Variants in OR4C46 observed in about 807,000 individuals in gnomAD.
The protein encoded by OR4C46 is olfactory receptor family 4 subfamily C member 46.
A neutral mutation model predicts 11.8 loss-of-function variants in OR4C46; 17 were observed. The observed-to-expected ratio is 1.44, with a 90% CI of 0.98 to 2.16. The LOEUF (loss-of-function observed/expected upper bound fraction) is 2.16. Ranked by LOEUF, OR4C46 falls within the 30% of genes most tolerant of loss-of-function variation. OR4C46 has a pLI of 0.00. For missense variants in OR4C46, 606 were observed against 372.1 expected (o/e 1.63, Z -5.17); for synonymous variants, 224 against 137.6 (o/e 1.63, Z -4.39).
chr11:54,603,885 C>T lies in OR4C46; in HGVS notation c.114G>A (p.Val38=), dbSNP rs1384237653. 6 of 1,613,506 alleles carry T rather than the reference C, an allele frequency of 3.7e-6. No individual in the cohort carries two copies. The Admixed American group carries it at 8.3e-5, about 22-fold the overall frequency. The change falls in exon 1 of 1, where the codon GTG becomes GTA. Residue 38 remains valine (V), a synonymous_variant. Coordinates refer to ENST00000328188, the MANE Select transcript of OR4C46 (RefSeq NM_001004703.1). The part of the protein sequence containing the change: ...VFFVIYIITV[V]GYVLIVVTIT... ...TGGTGACCACAATGAGCACATATCCCACCACAGTGATGATATAGATGACAA... is the reference window on the plus strand; with the variant it reads ...TGGTGACCACAATGAGCACATATCCTACCACAGTGATGATATAGATGACAA...
At position 54,603,846 on chromosome 11, in the gene OR4C46, T is replaced by C; in HGVS notation, c.153A>G (p.Pro51=). ...AAAGGTACATGGGGGACCCCAGTGATGGGCTGGCAGTGATGGTGACCACAA... is the reference window on the plus strand; with the variant it reads ...AAAGGTACATGGGGGACCCCAGTGACGGGCTGGCAGTGATGGTGACCACAA... ...VLIVVTITAS[P]SLGSPMYLSL... The change falls in exon 1 of 1, where the codon CCA becomes CCG. Residue 51 remains proline, a synonymous_variant. Coordinates refer to ENST00000328188, the MANE Select transcript of OR4C46 (RefSeq NM_001004703.1). 1.2e-6 allele frequency: 2 copies of C among 1,600,204 alleles called. No homozygotes were observed. The highest frequency in any genetic ancestry group is 1.7e-6 in the Non-Finnish European group (2 of 1,179,436).
rs372794415 is a variant in OR4C46 at position 54,603,292 on chromosome 11, G to C, written c.707C>G (p.Ser236Cys). 69 of 1,613,372 alleles carry C rather than the reference G, an allele frequency of 4.3e-5. No individual in the cohort carries two copies. Among genetic ancestry groups the C allele is most frequent in the Non-Finnish European group, 5.2e-5 (61 of 1,179,420 alleles). ...AACCGTGATGTGGGAGACACAGGTGGAGAGGGCTTTGTGCCTTGCCTCCAA... is the reference window on the plus strand; with the variant it reads ...AACCGTGATGTGGGAGACACAGGTGCAGAGGGCTTTGTGCCTTGCCTCCAA... ...HSLEARHKALSTCVSHITVVI... is the reference protein window; with the variant it reads ...HSLEARHKALCTCVSHITVVI... Residue 236 changes from serine to cysteine, a missense_variant, in exon 1 of 1, where the codon TCC (serine) becomes TGC (cysteine). Physicochemically the swap from Ser to Cys is moderately radical, Grantham distance 112. Transcript: ENST00000328188.
At position 54,603,671 on chromosome 11, in the gene OR4C46, C is replaced by T. The variant is rs1565363690; in HGVS notation, c.328G>A (p.Gly110Ser). 6.2e-7 allele frequency: 1 copy of T among 1,614,052 alleles called. No homozygotes were observed. ...TAGGCCATCACAGTAAGTAGGATGCCCTCTGCACCTCCGAAGAAATGTTCT... is the reference window on the plus strand; with the variant it reads ...TAGGCCATCACAGTAAGTAGGATGCTCTCTGCACCTCCGAAGAAATGTTCT... ...FGEHFFGGAE[G>S]ILLTVMAYDH... Residue 110 changes from glycine (G) to serine (S), a missense_variant, in exon 1 of 1, where the codon GGC becomes AGC. Gly to Ser is a moderately conservative substitution (Grantham distance 56). Coordinates refer to ENST00000328188, the MANE Select transcript of OR4C46 (RefSeq NM_001004703.1).
rs745949786 is a variant in OR4C46, at chr11:54,603,209, G to A, written c.790C>T (p.Pro264Ser). The stretch of plus-strand genomic sequence containing the variant: ...AATATAGCAACTGCTTTATCAATAG[G>A]TAAAGTAGCTGCAGGTCTCATGTAC... ...FVYMRPAATL[P>S]IDKAVAIFYT... is the part of the protein sequence containing the mutation. Residue 264 changes from proline (P) to serine (S), a missense_variant, in exon 1 of 1, where the codon CCT (proline) becomes TCT (serine). Pro to Ser is a moderately conservative substitution (Grantham distance 74, BLOSUM62 -1). Transcript: ENST00000328188. The A allele has an allele frequency of 2.5e-6, 4 of 1,605,062 alleles. No homozygotes were observed. Among genetic ancestry groups the A allele is most frequent in the East Asian group, 2.2e-5 (1 of 44,738 alleles).
Position 54,603,942 on chromosome 11 carries a change from T to C in OR4C46, c.57A>G (p.Pro19=), listed in dbSNP as rs141732038. 2,089 of 1,613,866 alleles carry C rather than the reference T, an allele frequency of 1.3e-3. 25 individuals carry two copies. In the African/African-American group the frequency reaches 0.025, roughly 19 times the overall value. The stretch of plus-strand genomic sequence containing the variant: ...CAACAAATATGATTTTCTGCATCTT[T>C]GGATTCTCTGTAAGCCCCAGCAAAA... The part of the protein sequence containing the change: ...EFVLLGLTEN[P]KMQKIIFVVF... Residue 19 remains proline, a synonymous_variant, in exon 1 of 1, where the codon CCA becomes CCG. Transcript: ENST00000328188.
chr11:54,603,946 T>C lies in OR4C46; in HGVS notation c.53A>G (p.Asn18Ser), dbSNP rs1863013303. Residue 18 changes from asparagine (N) to serine (S), a missense_variant, in exon 1 of 1, where the codon AAT (asparagine) becomes AGT (serine). Coordinates refer to ENST00000328188, the MANE Select transcript of OR4C46 (RefSeq NM_001004703.1). Reference sequence around the variant, plus strand: ...AAATATGATTTTCTGCATCTTTGGATTCTCTGTAAGCCCCAGCAAAACAAA... The same window carrying C: ...AAATATGATTTTCTGCATCTTTGGACTCTCTGTAAGCCCCAGCAAAACAAA... ...TEFVLLGLTENPKMQKIIFVV... is the reference protein window; with the variant it reads ...TEFVLLGLTESPKMQKIIFVV... The C allele has an allele frequency of 6.2e-7, 1 of 1,613,772 alleles. No individual in the cohort carries two copies. Among genetic ancestry groups the C allele is most frequent in the African/African-American group, 1.3e-5 (1 of 74,912 alleles).
At position 54,603,937 on chromosome 11, in the gene OR4C46, A is replaced by T. The variant is rs373356728; in HGVS notation, c.62T>A (p.Met21Lys). The change falls in exon 1 of 1, where the codon ATG (methionine) becomes AAG (lysine). Residue 21 changes from methionine to lysine, a missense_variant. Transcript: ENST00000328188. ...AAACACAACAAATATGATTTTCTGC[A>T]TCTTTGGATTCTCTGTAAGCCCCAG... ...VLLGLTENPK[M>K]QKIIFVVFFV... 1.9e-6 allele frequency: 3 copies of T among 1,613,908 alleles called. No homozygotes were observed. The highest frequency in any genetic ancestry group is 1.7e-4 in the Middle Eastern group (1 of 6,056).
Position 54,603,940 on chromosome 11 carries a change from T to G in OR4C46, c.59A>C (p.Lys20Thr). The G allele has an allele frequency of 1.2e-6, 2 of 1,613,852 alleles. No individual in the cohort carries two copies. Among genetic ancestry groups the G allele is most frequent in the Non-Finnish European group, 1.7e-6 (2 of 1,179,804 alleles). The change falls in exon 1 of 1, where the codon AAG becomes ACG. Residue 20 changes from lysine (K) to threonine (T), a missense_variant. Physicochemically the swap from Lys to Thr is moderately conservative, Grantham distance 78. Transcript: ENST00000328188. ...FVLLGLTENP[K>T]MQKIIFVVFF... ...CACAACAAATATGATTTTCTGCATC[T>G]TTGGATTCTCTGTAAGCCCCAGCAA...
At position 54,603,458 on chromosome 11, in the gene OR4C46, G is replaced by T. The variant is rs745680497; in HGVS notation, c.541C>A (p.Pro181Thr). 1.9e-6 allele frequency: 3 copies of T among 1,613,654 alleles called. No individual in the cohort carries two copies. The highest frequency in any genetic ancestry group is 1.1e-5 in the South Asian group (1 of 91,058). Residue 181 changes from proline (P) to threonine (T), a missense_variant, in exon 1 of 1, where the codon CCT becomes ACT. Pro to Thr is a conservative substitution (Grantham distance 38, BLOSUM62 -1). Transcript: ENST00000328188. ...VIDHFMCDLNPLLNLACTDTH... is the reference protein window; with the variant it reads ...VIDHFMCDLNTLLNLACTDTH... ...TCAGTGCAGGCGAGGTTGAGCAAAGGGTTCAGATCACACATAAAGTGATCT... is the reference window on the plus strand; with the variant it reads ...TCAGTGCAGGCGAGGTTGAGCAAAGTGTTCAGATCACACATAAAGTGATCT...
At position 54,603,949 on chromosome 11, in the gene OR4C46, T is replaced by C. The variant is rs1223477117; in HGVS notation, c.50A>G (p.Glu17Gly). The change falls in exon 1 of 1, where the codon GAG becomes GGG. Residue 17 changes from glutamate (E) to glycine (G), a missense_variant. By Grantham distance (98) the Glu-to-Gly change is moderately conservative. Coordinates refer to ENST00000328188, the MANE Select transcript of OR4C46 (RefSeq NM_001004703.1). ...TATGATTTTCTGCATCTTTGGATTC[T>C]CTGTAAGCCCCAGCAAAACAAACTC... Reference protein sequence around the residue: ...MTEFVLLGLTENPKMQKIIFV... With the variant: ...MTEFVLLGLTGNPKMQKIIFV... 6.2e-6 allele frequency: 10 copies of C among 1,613,738 alleles called. No individual in the cohort carries two copies. The East Asian group carries it at 1.6e-4, about 25-fold the overall frequency.
Position 54,603,193 on chromosome 11 carries a change from A to G in OR4C46, c.806T>C (p.Val269Ala), listed in dbSNP as rs761001800. Residue 269 changes from valine to alanine, a missense_variant, in exon 1 of 1, where the codon GTT (valine) becomes GCT (alanine). Coordinates refer to ENST00000328188, the MANE Select transcript of OR4C46 (RefSeq NM_001004703.1). ...PAATLPIDKA[V>A]AIFYTMITPM... ...AGTTATCATAGTGTAGAATATAGCA[A>G]CTGCTTTATCAATAGGTAAAGTAGC... 5 of 1,585,482 alleles carry G rather than the reference A, an allele frequency of 3.2e-6. No homozygotes were observed. In the South Asian group the frequency reaches 4.4e-5, roughly 14 times the overall value.
Position 54,603,731 on chromosome 11 carries a change from T to C in OR4C46, c.268A>G (p.Ile90Val), listed in dbSNP as rs745403654. 15 of 1,613,976 alleles carry C rather than the reference T, an allele frequency of 9.3e-6. No homozygotes were observed. Among genetic ancestry groups the C allele is most frequent in the Admixed American group, 1.7e-5 (1 of 60,014 alleles). ...ITHSLYGKKA[I>V]LFNGCMTQVF... is the part of the protein sequence containing the mutation. ...TGAGTCATGCATCCATTGAATAGGA[T>C]GGCCTTCTTTCCATAGAGTGAATGT... The change falls in exon 1 of 1, where the codon ATC becomes GTC. Residue 90 changes from isoleucine (I) to valine (V), a missense_variant. Coordinates refer to ENST00000328188, the MANE Select transcript of OR4C46 (RefSeq NM_001004703.1).
Position 54,603,884 on chromosome 11 carries a change from C to T in OR4C46, c.115G>A (p.Gly39Arg), listed in dbSNP as rs537148411. 137 of 1,613,554 alleles carry T rather than the reference C, an allele frequency of 8.5e-5. 2 individuals carry two copies. The South Asian group carries it at 1.3e-3, about 15-fold the overall frequency. The change falls in exon 1 of 1, where the codon GGA (glycine) becomes AGA (arginine). Residue 39 changes from glycine (G) to arginine (R), a missense_variant. By Grantham distance (125) the Gly-to-Arg change is moderately radical. Transcript: ENST00000328188. ...ATGGTGACCACAATGAGCACATATC[C>T]CACCACAGTGATGATATAGATGACA... ...FFVIYIITVV[G>R]YVLIVVTITA...
chr11:54,603,650 C>A lies in OR4C46; in HGVS notation c.349G>T (p.Ala117Ser), dbSNP rs746443256. The A allele has an allele frequency of 1.2e-6, 2 of 1,613,990 alleles. No homozygotes were observed. Among genetic ancestry groups the A allele is most frequent in the South Asian group, 1.1e-5 (1 of 91,062 alleles). Residue 117 changes from alanine (A) to serine (S), a missense_variant, in exon 1 of 1, where the codon GCC becomes TCC. Transcript: ENST00000328188. ...GAEGILLTVM[A>S]YDHYVAICKP... Reference sequence around the variant, plus strand: ...CAGATGGCCACATAGTGGTCATAGGCCATCACAGTAAGTAGGATGCCCTCT... The same window carrying A: ...CAGATGGCCACATAGTGGTCATAGGACATCACAGTAAGTAGGATGCCCTCT...
chr11:54,603,853 G>C lies in OR4C46; in HGVS notation c.146C>G (p.Ala49Gly), dbSNP rs768523370. 6.2e-7 allele frequency: 1 copy of C among 1,600,300 alleles called. No homozygotes were observed. The highest frequency in any genetic ancestry group is 2.2e-5 in the East Asian group (1 of 44,856). Residue 49 changes from alanine to glycine, a missense_variant, in exon 1 of 1, where the codon GCC (alanine) becomes GGC (glycine). By Grantham distance (60) the Ala-to-Gly change is moderately conservative (BLOSUM62 0). Transcript: ENST00000328188. ...CATGGGGGACCCCAGTGATGGGCTG[G>C]CAGTGATGGTGACCACAATGAGCAC... ...GYVLIVVTIT[A>G]SPSLGSPMYL...
chr11:54,603,098 T>C lies in OR4C46; in HGVS notation c.901A>G (p.Ser301Gly). The C allele has an allele frequency of 6.5e-7, 1 of 1,535,956 alleles. No individual in the cohort carries two copies. The highest frequency in any genetic ancestry group is 9.0e-7 in the Non-Finnish European group (1 of 1,116,916). ...TTGTCACCTGAAATGTCCTTTCTAC[T>C]ACACAATTTCCTGATGGCATTTTTC... Reference protein sequence around the residue: ...QMKNAIRKLCSRKDISGDK With the variant: ...QMKNAIRKLCGRKDISGDK Residue 301 changes from serine (S) to glycine (G), a missense_variant, in exon 1 of 1, where the codon AGT becomes GGT. By Grantham distance (56) the Ser-to-Gly change is moderately conservative (BLOSUM62 0). Transcript: ENST00000328188.
Position 54,603,853 on chromosome 11 carries a change from G to T in OR4C46, c.146C>A (p.Ala49Asp). The change falls in exon 1 of 1, where the codon GCC becomes GAC. Residue 49 changes from alanine to aspartate, a missense_variant. Coordinates refer to ENST00000328188, the MANE Select transcript of OR4C46 (RefSeq NM_001004703.1). ...GYVLIVVTITASPSLGSPMYL... is the reference protein window; with the variant it reads ...GYVLIVVTITDSPSLGSPMYL... ...CATGGGGGACCCCAGTGATGGGCTGGCAGTGATGGTGACCACAATGAGCAC... is the reference window on the plus strand; with the variant it reads ...CATGGGGGACCCCAGTGATGGGCTGTCAGTGATGGTGACCACAATGAGCAC... 6.2e-7 allele frequency: 1 copy of T among 1,600,300 alleles called. No homozygotes were observed. The highest frequency in any genetic ancestry group is 8.5e-7 in the Non-Finnish European group (1 of 1,179,442).
chr11:54,603,903 G>C lies in OR4C46; in HGVS notation c.96C>G (p.Ile32Met), dbSNP rs144626666. 10 of 1,613,750 alleles carry C rather than the reference G, an allele frequency of 6.2e-6. No homozygotes were observed. Among genetic ancestry groups the C allele is most frequent in the Admixed American group, 3.3e-5 (2 of 60,000 alleles). Residue 32 changes from isoleucine to methionine, a missense_variant, in exon 1 of 1, where the codon ATC (isoleucine) becomes ATG (methionine). By Grantham distance (10) the Ile-to-Met change is conservative. Transcript: ENST00000328188. ...QKIIFVVFFVIYIITVVGYVL... is the reference protein window; with the variant it reads ...QKIIFVVFFVMYIITVVGYVL... The stretch of plus-strand genomic sequence containing the variant: ...CATATCCCACCACAGTGATGATATA[G>C]ATGACAAAAAACACAACAAATATGA...
rs765301858 is a variant in OR4C46 at position 54,603,396 on chromosome 11, A to C, written c.603T>G (p.Ser201Arg). Residue 201 changes from serine to arginine, a missense_variant, in exon 1 of 1, where the codon AGT becomes AGG. Ser to Arg is a moderately radical substitution (Grantham distance 110). Coordinates refer to ENST00000328188, the MANE Select transcript of OR4C46 (RefSeq NM_001004703.1). ...HMLELFIAAN[S>R]GFICLLNFAL... Reference sequence around the variant, plus strand: ...CAAAGTTTAACAAGCAGATGAATCCACTGTTGGCAGCAATGAAGAGTTCCA... The same window carrying C: ...CAAAGTTTAACAAGCAGATGAATCCCCTGTTGGCAGCAATGAAGAGTTCCA... 1.5e-5 allele frequency: 25 copies of C among 1,613,802 alleles called. No homozygotes were observed. Among genetic ancestry groups the C allele is most frequent in the Non-Finnish European group, 2.1e-5 (25 of 1,179,816 alleles).
Sources: allele counts gnomAD v4.1 joint callset, GRCh38; gene constraint gnomAD v4.1.1; transcripts MANE v1.5; gene names NCBI Gene and HGNC (gene_info 2026-07-23, HGNC 2026-07-21).